Variants in TBC1D4 observed in about 807,000 individuals in gnomAD.
The protein encoded by TBC1D4 is TBC (Tre-2, BUB2, CDC16) domain-containing protein.
Under a neutral mutation model 142.5 loss-of-function variants are expected in TBC1D4, and 121 were observed. That is an observed-to-expected ratio of 0.85 (90% CI 0.73 to 0.99). The LOEUF (loss-of-function observed/expected upper bound fraction) is 0.99, where lower values mean the gene tolerates loss of function less well. Ranked by LOEUF, TBC1D4 falls within the 50% of genes least tolerant of loss-of-function variation. The pLI, the probability that TBC1D4 is intolerant of heterozygous loss-of-function variation, is 0.00. For missense variants in TBC1D4, 1,475 were observed against 1,606.6 expected, an observed-to-expected ratio of 0.92 and a Z score of 1.40; for synonymous variants, 630 against 628.2, an observed-to-expected ratio of 1.00 and a Z score of -0.04.
chr13:75,359,633 A>G (rs893540212), intron 3 of TBC1D4, 136 bp downstream of exon 3: 2 of 720,360 alleles, frequency 2.8e-6, no homozygotes, highest in Non-Finnish European at 4.6e-6. Flanking sequence ...TTAGTTTAAG[A>G]CAAATTCCCT....
At chr13:75,292,742 A>C (rs1875455246) in intron 18 of TBC1D4, among the ~76,000 whole-genome samples, 1 of 152,060 alleles carries the variant, frequency 6.6e-6, no homozygotes, top group Non-Finnish European at 1.5e-5. Flanking sequence ...AAAAAACATT[A>C]ACAGAAAAAT....
intron 12 of TBC1D4, among the ~76,000 whole-genome samples, chr13:75,314,414 A>G (rs983851937): frequency 2.0e-5 from 3 of 152,222 alleles, no homozygotes; most frequent in Non-Finnish European, 4.4e-5. Flanking sequence ...GCAATTCAGC[A>G]TCTGCCTATC....
chr13:75,384,111 T>C (rs981646176), intron 1 of TBC1D4, among the ~76,000 whole-genome samples: 14 of 151,518 alleles, frequency 9.2e-5, no homozygotes, highest in African/African-American at 3.1e-4. Flanking sequence ...AAAATAATAA[T>C]AATAATGATA....
intron 1 of TBC1D4, among the ~76,000 whole-genome samples, chr13:75,385,635 C>T (rs900640778): frequency 2.0e-5 from 3 of 152,216 alleles, no homozygotes; most frequent in Non-Finnish European, 2.9e-5. Flanking sequence ...TATGAACTTA[C>T]GTGTGCACTT....
intron 12 of TBC1D4, among the ~76,000 whole-genome samples, chr13:75,316,887 G>C (rs375546059): frequency 1.3e-5 from 2 of 152,040 alleles, no homozygotes; most frequent in Non-Finnish European, 2.9e-5. Flanking sequence ...TCTACTTTTT[G>C]AGTAAAAACA....
chr13:75,362,523 C>T lies in TBC1D4; in HGVS notation c.583G>A (p.Ala195Thr), dbSNP rs760615155. Residue 195 changes from alanine to threonine, a missense_variant, in exon 2 of 21, where the codon GCC becomes ACC. This residue lies in a region of TBC1D4 where 1,227 missense variants were observed against 1,267.7 expected (regional missense o/e 0.97). Coordinates refer to ENST00000377636, the MANE Select transcript of TBC1D4 (RefSeq NM_014832.5). The surrounding 1 kb of genome is among the most constrained non-coding windows in gnomAD (Gnocchi z 4.2). ...DAKPSKDNED[A>T]FYNSQKFEVL... ...TCGAACTTCTGAGAGTTGTAAAAGGCGTCCTCATTATCTTTGCTGGGTTTG... is the reference window on the plus strand; with the variant it reads ...TCGAACTTCTGAGAGTTGTAAAAGGTGTCCTCATTATCTTTGCTGGGTTTG... 7.4e-6 allele frequency: 12 copies of T among 1,614,094 alleles called. No individual in the cohort carries two copies. The highest frequency in any genetic ancestry group is 1.3e-5 in the African/African-American group (1 of 74,926).
intron 1 of TBC1D4, among the ~76,000 whole-genome samples, chr13:75,467,469 T>C (rs1888213561): frequency 6.6e-6 from 1 of 152,184 alleles, no homozygotes; most frequent in Non-Finnish European, 1.5e-5. Flanking sequence ...AGAAAAGCTG[T>C]TTAGAACTTA....
intron 14 of TBC1D4, among the ~76,000 whole-genome samples, chr13:75,308,129 A>G (rs1039883142): frequency 6.6e-6 from 1 of 152,234 alleles, no homozygotes; most frequent in Non-Finnish European, 1.5e-5. Flanking sequence ...CTAAAGAACT[A>G]TCAAGAAATA....
chr13:75,401,432 T>C lies in TBC1D4; in HGVS notation c.499-38825A>G, dbSNP rs570051725. 2.0e-5 allele frequency among the ~76,000 whole-genome samples: 3 copies of C among 152,310 alleles called. No individual in the cohort carries two copies. The South Asian group carries it at 6.2e-4, about 32-fold the overall frequency. ...CACATAACTATCCTTAGTCAATGCC[T>C]GATACTACATGACCTTGGCATTAAG... On this transcript the variant is annotated intron_variant, in intron 1 of 20. Coordinates refer to ENST00000377636, the MANE Select transcript of TBC1D4 (RefSeq NM_014832.5).
chr13:75,307,921 T>C (rs1235085748), intron 14 of TBC1D4, among the ~76,000 whole-genome samples: 1 of 152,226 alleles, frequency 6.6e-6, no homozygotes, highest in Non-Finnish European at 1.5e-5. Context: ...TATACTCCTA[T>C]ATATAACTTT....
In TBC1D4 at chr13:75,307,263, T is replaced by A. The variant is rs147280523; in HGVS notation, c.2594-792A>T. Among the ~76,000 whole-genome samples, 629 of 152,294 alleles carry A rather than the reference T, an allele frequency of 4.1e-3. 2 individuals carry two copies. The highest frequency in any genetic ancestry group is 8.5e-3 in the South Asian group (41 of 4,822). ...AGGTGTGAGCCACTGCACCCAGCCC[T>A]CCTGTGTTCATTTGTAATAAACTTA... On this transcript the variant is annotated intron_variant, in intron 14 of 20. Transcript: ENST00000377636.
At chr13:75,462,613 A>C (rs1350980439) in intron 1 of TBC1D4, among the ~76,000 whole-genome samples, 1 of 151,980 alleles carries the variant, frequency 6.6e-6, no homozygotes, top group African/African-American at 2.4e-5. Flanking sequence ...CCCTACACCA[A>C]TGCCTACAGC....
intron 7 of TBC1D4, among the ~76,000 whole-genome samples, chr13:75,338,287 GA>G (rs145261843): frequency 1.2e-4 from 17 of 144,394 alleles, no homozygotes; most frequent in East Asian, 8.1e-4. Flanking sequence ...GAAAGGAGAG[GA>G]AAAAAAAAAC....
chr13:75,438,207 T>C (rs1886877555), intron 1 of TBC1D4, among the ~76,000 whole-genome samples: 1 of 152,224 alleles, frequency 6.6e-6, no homozygotes, highest in Admixed American at 6.5e-5. Flanking sequence ...ATACCGTTAA[T>C]TACATTTCCT....
At chr13:75,302,764 A>G (rs545219956) in intron 15 of TBC1D4, 1 of 288,878 alleles carries the variant, frequency 3.5e-6, no homozygotes, top group South Asian at 4.0e-5. Context: ...CTTTATAGAC[A>G]GAAAGCTGAG....
chr13:75,349,671 A>G (rs1269992096), intron 4 of TBC1D4, among the ~76,000 whole-genome samples: 2 of 152,214 alleles, frequency 1.3e-5, no homozygotes, highest in African/African-American at 4.8e-5. Flanking sequence ...TCTGCCACTT[A>G]TATGAAACAA....
intron 12 of TBC1D4, among the ~76,000 whole-genome samples, chr13:75,315,987 G>A (rs1258379091): frequency 1.3e-5 from 2 of 152,130 alleles, no homozygotes; most frequent in Non-Finnish European, 2.9e-5. Context: ...AAAGCTAAAT[G>A]AAATACTTAT....
rs74790520 is a variant in TBC1D4 at position 75,471,200 on chromosome 13, C to T, written c.498+10070G>A. 3.0e-3 allele frequency among the ~76,000 whole-genome samples: 452 copies of T among 151,856 alleles called. 2 individuals carry two copies. Among genetic ancestry groups the T allele is most frequent in the African/African-American group, 0.01 (416 of 41,412 alleles). ...CCAACCTAACTTCCAGTAGAAGAAACGTGATATGCCAATTAACTTCCAGAT... is the reference window on the plus strand; with the variant it reads ...CCAACCTAACTTCCAGTAGAAGAAATGTGATATGCCAATTAACTTCCAGAT... On this transcript the variant is annotated intron_variant, in intron 1 of 20. Transcript: ENST00000377636.
chr13:75,456,835 T>C (rs1479466127), intron 1 of TBC1D4, among the ~76,000 whole-genome samples: 1 of 151,214 alleles, frequency 6.6e-6, no homozygotes, highest in Non-Finnish European at 1.5e-5. Flanking sequence ...CCAAAAGACA[T>C]ACACAAAAAT....
Sources: allele counts gnomAD v4.1 joint callset (sites outside exome capture counted in the v4.1 genomes callset), GRCh38; gene constraint gnomAD v4.1.1; regional missense constraint gnomAD v4.1.1; non-coding constraint Gnocchi (gnomAD v3.1); transcripts MANE v1.5; gene names NCBI Gene and HGNC (gene_info 2026-07-23, HGNC 2026-07-21).